Variants in ACBD6 observed in about 807,000 individuals in gnomAD.
The protein encoded by ACBD6 is acyl-CoA-binding domain-containing protein 6.
A neutral mutation model predicts 37.2 loss-of-function variants in ACBD6; 28 were observed. That is an observed-to-expected ratio of 0.75 (90% CI 0.56 to 1.03). The LOEUF (loss-of-function observed/expected upper bound fraction) is 1.03. Among genes scored for constraint, ACBD6 ranks in the 50% least tolerant of loss-of-function variants. The pLI, the probability that ACBD6 is intolerant of heterozygous loss-of-function variation, is 0.00. For synonymous variants in ACBD6, 113 were observed against 126.8 expected (o/e 0.89, Z 0.73); for missense variants, 340 against 337.4 (o/e 1.01, Z -0.06).
intron 7 of ACBD6, among the ~76,000 whole-genome samples, chr1:180,305,040 G>C (rs1190592878): frequency 1.3e-5 from 2 of 152,012 alleles, no homozygotes; most frequent in South Asian, 4.1e-4. Flanking sequence ...TGGGAAAACT[G>C]GCTAGTCATA....
rs904666721 is a variant in ACBD6 at position 180,496,622 on chromosome 1, A to G, written c.223-1097T>C. ...GACCTTCCAGTTCTACTCAAATTTC[A>G]GATTCTAAGAACCCTTTCAGTCTAC... is the stretch of plus-strand genomic sequence containing the variant. On this transcript the variant is annotated intron_variant, in intron 1 of 7. Transcript: ENST00000367595. Among the ~76,000 whole-genome samples, 3 of 152,160 alleles carry G rather than the reference A, an allele frequency of 2.0e-5. No individual in the cohort carries two copies. The South Asian group carries it at 6.2e-4, about 31-fold the overall frequency.
chr1:180,409,781 C>T (rs1037946865), intron 5 of ACBD6, among the ~76,000 whole-genome samples: 1 of 152,086 alleles, frequency 6.6e-6, no homozygotes, highest in South Asian at 2.1e-4. Flanking sequence ...GCCAGTAATA[C>T]AATAGTCTCT....
At chr1:180,342,044 T>C (rs922519723) in intron 6 of ACBD6, among the ~76,000 whole-genome samples, 1 of 152,186 alleles carries the variant, frequency 6.6e-6, no homozygotes, top group African/African-American at 2.4e-5. Context: ...TTGGAGCTTT[T>C]GTGTTCAGAT....
At chr1:180,336,674 GA>G (rs1651732881) in intron 6 of ACBD6, among the ~76,000 whole-genome samples, 1 of 151,832 alleles carries the variant, frequency 6.6e-6, no homozygotes, top group Non-Finnish European at 1.5e-5. Context: ...GAGCAGAACT[GA>G]AGGAGATAGA....
rs567847171 is a variant in ACBD6, at chr1:180,333,982, T to C, written c.664-19260A>G. On this transcript the variant is annotated intron_variant, in intron 6 of 7. Coordinates refer to ENST00000367595, the MANE Select transcript of ACBD6 (RefSeq NM_032360.4). ...GAGGCTGGGGGAGGGGCGCCTGCCA[T>C]TGCCGAGGCTTGAGTAGGTAAACAA... Among the ~76,000 whole-genome samples the C allele has an allele frequency of 5.3e-5, 8 of 152,304 alleles. No individual in the cohort carries two copies. In the South Asian group the frequency reaches 1.5e-3, roughly 28 times the overall value.
intron 3 of ACBD6, among the ~76,000 whole-genome samples, chr1:180,437,617 A>C (rs1039494684): frequency 6.6e-6 from 1 of 152,176 alleles, no homozygotes; most frequent in African/African-American, 2.4e-5. Context: ...AAAAATCCTA[A>C]AGATTCCACC....
intron 3 of ACBD6, among the ~76,000 whole-genome samples, chr1:180,458,065 G>A (rs1441550024): frequency 1.3e-5 from 2 of 152,010 alleles, no homozygotes; most frequent in African/African-American, 2.4e-5. Flanking sequence ...CAAAGTGCTG[G>A]GATTACAGGT....
intron 7 of ACBD6, among the ~76,000 whole-genome samples, chr1:180,311,931 G>A (rs901663253): frequency 6.6e-6 from 1 of 152,220 alleles, no homozygotes; most frequent in African/African-American, 2.4e-5. Context: ...GAGCATATCA[G>A]TGGAGCTTCT....
intron 3 of ACBD6, among the ~76,000 whole-genome samples, chr1:180,487,726 G>C (rs998805221): frequency 6.6e-6 from 1 of 151,968 alleles, no homozygotes; most frequent in Admixed American, 6.6e-5. Flanking sequence ...AGGTTACTAA[G>C]GTCTATAGTA....
exon 11 of ACBD6, chr1:180,274,054 C>T: frequency 8.8e-7 from 1 of 1,141,358 alleles, no homozygotes. Flanking sequence ...TGTGTCTGAC[C>T]CATGCTTGGC....
intron 3 of ACBD6, among the ~76,000 whole-genome samples, chr1:180,490,501 C>T (rs937631464): frequency 2.0e-5 from 3 of 150,366 alleles, no homozygotes; most frequent in Non-Finnish European, 4.4e-5. Flanking sequence ...AGAGGCCAGG[C>T]GCAGTGGCTC....
At chr1:180,386,678 T>C (rs1653857105) in intron 6 of ACBD6, among the ~76,000 whole-genome samples, 1 of 152,114 alleles carries the variant, frequency 6.6e-6, no homozygotes, top group Non-Finnish European at 1.5e-5. Context: ...CACTGATCTT[T>C]TTATCATTTC....
At chr1:180,317,904 C>T (rs554052741) in intron 6 of ACBD6, among the ~76,000 whole-genome samples, 1 of 152,236 alleles carries the variant, frequency 6.6e-6, no homozygotes, top group South Asian at 2.1e-4. Flanking sequence ...GGGCCTGGAG[C>T]GGTGGCTCAT....
chr1:180,437,685 G>A (rs1649101337), intron 3 of ACBD6, among the ~76,000 whole-genome samples: 1 of 152,084 alleles, frequency 6.6e-6, no homozygotes, highest in Non-Finnish European at 1.5e-5. Flanking sequence ...AATCAGGTTA[G>A]GTCTGACAGA....
intron 6 of ACBD6, among the ~76,000 whole-genome samples, chr1:180,354,412 T>G (rs971839211): frequency 6.6e-5 from 10 of 152,222 alleles, no homozygotes; most frequent in African/African-American, 2.4e-4. Flanking sequence ...TTCATCCCCC[T>G]TTATGGTATT....
chr1:180,274,212 A>C, intron 10 of ACBD6: 1 of 1,614,254 alleles, frequency 6.2e-7, no homozygotes, highest in East Asian at 2.2e-5. Flanking sequence ...GAACTTGGCC[A>C]CACCAATAGG....
chr1:180,495,365 T>C, intron 2 of ACBD6, 96 bp downstream of exon 2: 1 of 866,578 alleles, frequency 1.2e-6, no homozygotes, highest in South Asian at 1.8e-5. Flanking sequence ...GAGAGATTAA[T>C]ATAAAAATAA....
intron 6 of ACBD6, among the ~76,000 whole-genome samples, chr1:180,329,597 C>T (rs779568362): frequency 4.6e-5 from 7 of 152,052 alleles, no homozygotes; most frequent in Non-Finnish European, 8.8e-5. Flanking sequence ...TGGTTTTAGG[C>T]TATATTCTTT....
chr1:180,309,398 T>C (rs567388384), intron 7 of ACBD6, among the ~76,000 whole-genome samples: 1 of 152,196 alleles, frequency 6.6e-6, no homozygotes, highest in South Asian at 2.1e-4. Context: ...TCACTCCTAA[T>C]GGTTAACTAG....
Sources: allele counts gnomAD v4.1 joint callset (sites outside exome capture counted in the v4.1 genomes callset), GRCh38; gene constraint gnomAD v4.1.1; transcripts MANE v1.5; gene names NCBI Gene and HGNC (gene_info 2026-07-23, HGNC 2026-07-21).